The following RREB1 variants were observed in gnomAD, a reference collection of about 807,000 sequenced individuals.
RREB1 encodes ras-responsive element-binding protein 1.
Under a neutral mutation model 117.8 loss-of-function variants are expected in RREB1, and 27 were observed. That is an observed-to-expected ratio of 0.23 (90% CI 0.17 to 0.32). RREB1 has a LOEUF of 0.32. Ranked by LOEUF, RREB1 falls within the 10% of genes least tolerant of loss-of-function variation. The pLI, the probability that RREB1 is intolerant of heterozygous loss-of-function variation, is 1.00. For synonymous variants in RREB1, 1,298 were observed against 1,026.7 expected (o/e 1.26, Z -5.05); for missense variants, 2,577 against 2,378.2 (o/e 1.08, Z -1.74).
chr6:7,148,109 G>C (rs1184841581), intron 1 of RREB1, among the ~76,000 whole-genome samples: 13 of 152,152 alleles, frequency 8.5e-5, no homozygotes, highest in Non-Finnish European at 1.5e-5. Context: ...GGTATACGTG[G>C]GGGGAGAGGT....
At chr6:7,196,219 TTTTTTTTTTTTG>T (rs1249923504) in intron 6 of RREB1, among the ~76,000 whole-genome samples, 11 of 26,824 alleles carry the variant, frequency 4.1e-4, no homozygotes, top group African/African-American at 2.4e-3. Flanking sequence ...TTTTTTTTCG[TTTTTTTTTTTTG>T]TTTTTTTTTT....
Position 7,248,756 on chromosome 6 carries a change from C to G in RREB1, c.5017C>G (p.Arg1673Gly). 6.2e-7 allele frequency: 1 copy of G among 1,614,092 alleles called. No homozygotes were observed. Among genetic ancestry groups the G allele is most frequent in the Non-Finnish European group, 8.5e-7 (1 of 1,180,018 alleles). Residue 1673 changes from arginine (R) to glycine (G), a missense_variant, in exon 13 of 13, where the codon CGG (arginine) becomes GGG (glycine). Coordinates refer to ENST00000379938, the MANE Select transcript of RREB1 (RefSeq NM_001003699.4). ...ASNHMAVTRSRKEGLASATKD... is the reference protein window; with the variant it reads ...ASNHMAVTRSGKEGLASATKD... ...CAACCACATGGCTGTCACCCGGAGC[C>G]GGAAGGAGGGCTTGGCCAGTGCCAC...
At chr6:7,109,674 C>T (rs1378630116) in intron 1 of RREB1, among the ~76,000 whole-genome samples, 1 of 152,220 alleles carries the variant, frequency 6.6e-6, no homozygotes, top group Non-Finnish European at 1.5e-5. Flanking sequence ...GCAGATTTGC[C>T]CTCCCTCGCT....
chr6:7,118,232 C>G (rs1246961001), intron 1 of RREB1, among the ~76,000 whole-genome samples: 1 of 152,194 alleles, frequency 6.6e-6, no homozygotes, highest in South Asian at 2.1e-4. Flanking sequence ...GCGATTCTCC[C>G]ACCTCAGCCT....
At chr6:7,141,359 A>G (rs1244502236) in intron 1 of RREB1, among the ~76,000 whole-genome samples, 7 of 152,142 alleles carry the variant, frequency 4.6e-5, no homozygotes, top group African/African-American at 7.2e-5. Context: ...GACACAACCT[A>G]ATGAACAACC....
intron 4 of RREB1, 31 bp from the exon 5 acceptor site, chr6:7,187,403 A>G: frequency 7.1e-7 from 1 of 1,402,208 alleles, no homozygotes; most frequent in Non-Finnish European, 1.0e-6. Flanking sequence ...GTGAGTTGAA[A>G]TTTATCTTCC....
intron 8 of RREB1, among the ~76,000 whole-genome samples, chr6:7,223,283 C>T (rs1402913275): frequency 1.5e-5 from 2 of 130,714 alleles, no homozygotes; most frequent in Admixed American, 7.3e-5. Flanking sequence ...AAAAAAAGGC[C>T]GGGCACGATG....
intron 4 of RREB1, chr6:7,183,876 GA>G (rs1764932321): frequency 6.6e-6 from 1 of 152,260 alleles, no homozygotes; most frequent in Non-Finnish European, 1.5e-5. Context: ...GGAGCCTGGG[GA>G]AAGTCCCATT....
At chr6:7,211,213 G>A (rs7771069) in intron 7 of RREB1, among the ~76,000 whole-genome samples, 4,234 of 150,516 alleles carry the variant, frequency 0.028, 187 homozygotes, top group African/African-American at 0.093. Flanking sequence ...TAGCTAAAGC[G>A]CAAGCTTCAT....
intron 4 of RREB1, chr6:7,184,486 T>C (rs973827575): frequency 4.0e-5 from 6 of 151,736 alleles, no homozygotes; most frequent in African/African-American, 1.2e-4. Flanking sequence ...CTCAAACTCC[T>C]GGGCTCAAGC....
intron 6 of RREB1, among the ~76,000 whole-genome samples, chr6:7,201,494 T>TTC (rs1429243157): frequency 1.4e-4 from 16 of 115,258 alleles, no homozygotes; most frequent in African/African-American, 3.7e-4. Context: ...GGCAACATTG[T>TTC]CCCCCCCCCC....
chr6:7,127,971 C>A (rs1235978275), intron 1 of RREB1, among the ~76,000 whole-genome samples: 1 of 152,120 alleles, frequency 6.6e-6, no homozygotes, highest in African/African-American at 2.4e-5. Flanking sequence ...GGAAGTCAGA[C>A]TGCAGGCCCC....
intron 1 of RREB1, among the ~76,000 whole-genome samples, chr6:7,133,532 G>A (rs1302604380): frequency 6.6e-6 from 1 of 151,856 alleles, no homozygotes; most frequent in Non-Finnish European, 1.5e-5. Flanking sequence ...AATCAGCCTG[G>A]GCAACATTGT....
intron 6 of RREB1, among the ~76,000 whole-genome samples, chr6:7,195,841 A>G (rs891881171): frequency 2.0e-5 from 3 of 152,098 alleles, no homozygotes; most frequent in Non-Finnish European, 4.4e-5. Flanking sequence ...CCCTCCCTCA[A>G]CTGTGCCAGT....
chr6:7,161,890 A>G (rs1763683803), intron 1 of RREB1, among the ~76,000 whole-genome samples: 1 of 152,164 alleles, frequency 6.6e-6, no homozygotes, highest in Non-Finnish European at 1.5e-5. Context: ...CTGATTGTCC[A>G]TTTTTAAATC....
intron 8 of RREB1, among the ~76,000 whole-genome samples, chr6:7,225,320 T>A (rs1207529939): frequency 1.3e-5 from 2 of 152,196 alleles, no homozygotes; most frequent in Non-Finnish European, 2.9e-5. Context: ...GTGTCTGTGC[T>A]TCCCGATGCA....
intron 6 of RREB1, among the ~76,000 whole-genome samples, chr6:7,196,089 C>T (rs1043146075): frequency 2.0e-4 from 30 of 152,194 alleles, no homozygotes; most frequent in African/African-American, 5.8e-4. Flanking sequence ...GCTGTCCACA[C>T]GCACACGTGG....
rs1138708 is a variant in RREB1 at position 7,230,701 on chromosome 6, G to A, written c.2602G>A (p.Gly868Ser). The A allele has an allele frequency of 6.3e-7, 1 of 1,593,906 alleles. No homozygotes were observed. Among genetic ancestry groups the A allele is most frequent in the Non-Finnish European group, 8.6e-7 (1 of 1,169,154 alleles). The change falls in exon 10 of 13, where the codon GGC becomes AGC. Residue 868 changes from glycine (G) to serine (S), a missense_variant. Transcript: ENST00000379938. The part of the protein sequence containing the change: ...PLTAFLEPQN[G>S]FLHRGPTQPP... ...CACTGCCTTCCTGGAACCCCAGAAC[G>A]GCTTTCTTCACAGGGGCCCCACCCA...
At chr6:7,166,966 A>G (rs757222209) in intron 1 of RREB1, among the ~76,000 whole-genome samples, 2 of 152,206 alleles carry the variant, frequency 1.3e-5, no homozygotes, top group Non-Finnish European at 2.9e-5. Flanking sequence ...TCTTACCAGA[A>G]GCTGGAAATG....
Sources: gnomAD v4.1 joint callset for allele counts (sites outside exome capture counted in the v4.1 genomes callset) on GRCh38, gnomAD v4.1.1 for gene constraint, MANE v1.5 for transcripts, NCBI Gene and HGNC (gene_info 2026-07-23, HGNC 2026-07-21) for gene names.